CEP78: variants seen among roughly 807,000 people sequenced by gnomAD.
CEP78 encodes the protein centrosomal protein 78.
A neutral mutation model predicts 81.2 loss-of-function variants in CEP78; 76 were observed. The ratio of observed to expected loss-of-function variants is 0.94; its 90% CI spans 0.78 to 1.13. The LOEUF (loss-of-function observed/expected upper bound fraction) is 1.13, where lower values mean the gene tolerates loss of function less well. CEP78 is among the 50% of genes most tolerant of loss of function. The pLI is 0.00. For synonymous variants in CEP78, 293 were observed against 301.4 expected (o/e 0.97, Z 0.29); for missense variants, 918 against 846.8 (o/e 1.08, Z -1.04).
rs1465555116 is a variant in CEP78, at chr9:78,275,917, C to G, written c.*5066C>G. On this transcript the variant is annotated 3_prime_UTR_variant, in exon 17 of 17. Transcript: ENST00000643273. ...GCTGTGATCATGCCACCACTGCTCT[C>G]TAGCCTGGGCAAGAGTGAGACTCCG... 1 of 152,276 alleles carries G rather than the reference C, an allele frequency of 6.6e-6. No homozygotes were observed. Among genetic ancestry groups the G allele is most frequent in the African/African-American group, 2.4e-5 (1 of 41,422 alleles). 9.4% of individuals were successfully genotyped at this position (152,276 alleles called of 1,614,324 possible).
chr9:78,256,885 G>T (rs1365054668), intron 11 of CEP78, among the ~76,000 whole-genome samples: 1 of 152,138 alleles, frequency 6.6e-6, no homozygotes, highest in South Asian at 2.1e-4. Flanking sequence ...ATAGGGTGTT[G>T]TTTAAAAAGG....
Position 78,241,803 on chromosome 9 carries a change from A to C in CEP78, c.603+4A>C. 4 of 1,486,282 alleles carry C rather than the reference A, an allele frequency of 2.7e-6. No individual in the cohort carries two copies. Among genetic ancestry groups the C allele is most frequent in the South Asian group, 1.2e-5 (1 of 85,992 alleles). The allele number at this position is 1,486,282 out of a possible 1,614,324, so 92.1% of individuals were successfully genotyped here. A position where few individuals can be genotyped will look rare whatever the true frequency, so the allele number is the denominator to read the frequency against. ...TCACATGGCCAAGATCTTAAAGGTA[A>C]CTTTATGTTCCAACTTTCATGAAAA... is the stretch of plus-strand genomic sequence containing the variant. On this transcript the variant is annotated splice_donor_region_variant and intron_variant, in intron 4 of 16. Coordinates refer to ENST00000643273, the MANE Select transcript of CEP78 (RefSeq NM_001330691.3).
chr9:78,262,466 GTATT>G (rs1014319410), intron 11 of CEP78, among the ~76,000 whole-genome samples: 78 of 152,024 alleles, frequency 5.1e-4, no homozygotes, highest in African/African-American at 1.9e-3. Context: ...AATTCCTTTT[GTATT>G]TCAATCTTTA....
intron 6 of CEP78, among the ~76,000 whole-genome samples, chr9:78,247,887 T>G (rs1826571424): frequency 1.3e-5 from 2 of 152,170 alleles, no homozygotes; most frequent in South Asian, 4.1e-4. Context: ...TGGTACTGTT[T>G]ATAGAGAAAA....
chr9:78,244,865 T>C (rs1338618168), intron 5 of CEP78, among the ~76,000 whole-genome samples: 1 of 152,242 alleles, frequency 6.6e-6, no homozygotes, highest in African/African-American at 2.4e-5. Flanking sequence ...ATAATTTCCT[T>C]CTGGTAAATT....
intron 11 of CEP78, among the ~76,000 whole-genome samples, chr9:78,260,795 C>A (rs1353436625): frequency 6.6e-6 from 1 of 151,812 alleles, no homozygotes; most frequent in African/African-American, 2.4e-5. Context: ...GATATACAGT[C>A]TTCCCTCAGC....
chr9:78,242,558 T>C (rs1826285580), intron 4 of CEP78, among the ~76,000 whole-genome samples: 1 of 152,240 alleles, frequency 6.6e-6, no homozygotes, highest in African/African-American at 2.4e-5. Context: ...TAGGATTTAA[T>C]GAACTAATGT....
rs934475273 is a variant in CEP78, at chr9:78,266,936, T to C, written c.2107+233T>C. 6 of 1,423,954 alleles carry C rather than the reference T, an allele frequency of 4.2e-6. No individual in the cohort carries two copies. In the South Asian group the frequency reaches 9.5e-5, roughly 23 times the overall value. The allele number at this position is 1,423,954 out of a possible 1,614,324, so 88.2% of individuals were successfully genotyped here. ...GTAAATCCAGTCCACTAGAACATTC[T>C]GAAAGTGATACTCTTGGATGTGATT... On this transcript the variant is annotated intron_variant, in intron 16 of 16. Coordinates refer to ENST00000643273, the MANE Select transcript of CEP78 (RefSeq NM_001330691.3).
At position 78,253,281 on chromosome 9, in the gene CEP78, C is replaced by T. The variant is rs778885053; in HGVS notation, c.1251+4C>T. The T allele has an allele frequency of 6.2e-6, 8 of 1,291,006 alleles. No homozygotes were observed. In the Admixed American group the frequency reaches 1.1e-4, roughly 18 times the overall value. 80.0% of individuals were successfully genotyped at this position (1,291,006 alleles called of 1,614,324 possible). A position where few individuals can be genotyped will look rare whatever the true frequency, so the allele number is the denominator to read the frequency against. On this transcript the variant is annotated splice_donor_region_variant and intron_variant, in intron 10 of 16. Coordinates refer to ENST00000643273, the MANE Select transcript of CEP78 (RefSeq NM_001330691.3). Reference sequence around the variant, plus strand: ...TGATATATGTAATCAGTTGCAGGTACGTAGTTACCATGTTTATAATATGTA... The same window carrying T: ...TGATATATGTAATCAGTTGCAGGTATGTAGTTACCATGTTTATAATATGTA...
intron 4 of CEP78, among the ~76,000 whole-genome samples, chr9:78,242,504 C>T (rs1344448484): frequency 6.6e-6 from 1 of 152,106 alleles, no homozygotes; most frequent in Non-Finnish European, 1.5e-5. Flanking sequence ...TTTTCTTATC[C>T]ATAAAATGTG....
intron 16 of CEP78, among the ~76,000 whole-genome samples, chr9:78,267,557 A>C (rs970725968): frequency 1.3e-5 from 2 of 152,172 alleles, no homozygotes; most frequent in African/African-American, 4.8e-5. Context: ...GTCTAAGGAG[A>C]CAGATTATGT....
chr9:78,252,464 C>G (rs193058611), intron 9 of CEP78, among the ~76,000 whole-genome samples: 5 of 152,240 alleles, frequency 3.3e-5, no homozygotes, highest in Admixed American at 2.6e-4. Flanking sequence ...ACTCAGCCAA[C>G]TGGCCTAACT....
At chr9:78,264,057 A>T in intron 12 of CEP78, 93 bp from the exon 13 acceptor site, 1 of 914,750 alleles carries the variant, frequency 1.1e-6, no homozygotes, top group Non-Finnish European at 1.5e-6. Context: ...CAAATTAATT[A>T]CATTTTTAAA....
Position 78,246,751 on chromosome 9 carries a change from C to T in CEP78, c.861C>T (p.Val287=), listed in dbSNP as rs1327362616. The change falls in exon 6 of 17, where the codon GTC becomes GTT. Residue 287 remains valine (V), a synonymous_variant. Transcript: ENST00000643273. ...CCCTTGAAACCAATACAACTCTGGT[C>T]GTTCTGGATATAAGAAAAAATCCAC... The part of the protein sequence containing the change: ...LEALETNTTL[V]VLDIRKNPLI... The T allele has an allele frequency of 4.4e-6, 7 of 1,603,908 alleles. No homozygotes were observed. The highest frequency in any genetic ancestry group is 1.1e-5 in the South Asian group (1 of 89,198).
Position 78,276,333 on chromosome 9 carries a change from G to T in CEP78, c.*5482G>T, listed in dbSNP as rs1384518061. 1 of 152,236 alleles carries T rather than the reference G, an allele frequency of 6.6e-6. No homozygotes were observed. The highest frequency in any genetic ancestry group is 1.9e-4 in the East Asian group (1 of 5,180). The allele number at this position is 152,236 out of a possible 1,614,324, so 9.4% of individuals were successfully genotyped here. A position where few individuals can be genotyped will look rare whatever the true frequency, so the allele number is the denominator to read the frequency against. On this transcript the variant is annotated 3_prime_UTR_variant, in exon 17 of 17. Transcript: ENST00000643273. Reference sequence around the variant, plus strand: ...ATCCTCTGGTATTCTTAACAATCTCGAAATAGAAGGAAACTTCCTTAGCTT... The same window carrying T: ...ATCCTCTGGTATTCTTAACAATCTCTAAATAGAAGGAAACTTCCTTAGCTT...
rs144976652 is a variant in CEP78 at position 78,240,586 on chromosome 9, AC to A, written c.499+224del. Among the ~76,000 whole-genome samples, 599 of 152,300 alleles carry A rather than the reference AC, an allele frequency of 3.9e-3. 4 individuals are homozygous for A. Among genetic ancestry groups the A allele is most frequent in the African/African-American group, 0.014 (569 of 41,562 alleles). Reference sequence around the variant, plus strand: ...TAAACCACAGACCACACAAATATATACCATCTGGTATTCTCTGTTTTTTGTG... The same window carrying A: ...TAAACCACAGACCACACAAATATATACATCTGGTATTCTCTGTTTTTTGTG... On this transcript the variant is annotated intron_variant, in intron 3 of 16. Transcript: ENST00000643273.
chr9:78,256,524 ATTTTTTTTTTTTT>A lies in CEP78; in HGVS notation c.1380+1574_1380+1586del, dbSNP rs35059009. 6.5e-5 allele frequency among the ~76,000 whole-genome samples: 5 copies of A among 76,670 alleles called. No homozygotes were observed. In the East Asian group the frequency reaches 1.1e-3, roughly 16 times the overall value. 50.3% of individuals were successfully genotyped at this position (76,670 alleles called of 152,430 possible). A position where few individuals can be genotyped will look rare whatever the true frequency, so the allele number is the denominator to read the frequency against. ...GCTCCCAGTGATCCTCTGCTCCCTT[ATTTTTTTTTTTTT>A]TTTTTTTTTTTTTGAGATGGAGTCT... On this transcript the variant is annotated intron_variant, in intron 11 of 16. Coordinates refer to ENST00000643273, the MANE Select transcript of CEP78 (RefSeq NM_001330691.3).
At position 78,236,470 on chromosome 9, in the gene CEP78, G is replaced by A. The variant is rs746861398; in HGVS notation, c.120G>A (p.Glu40=). The change falls in exon 1 of 17, where the codon GAG becomes GAA. Residue 40 remains glutamate, a synonymous_variant. Transcript: ENST00000643273. ...CCGCCGTGCGCGCCTGTCTCCGGGA[G>A]GGCGTGCTGGATTTCAACGCCGACC... is the stretch of plus-strand genomic sequence containing the variant. ...PLPAVRACLR[E]GVLDFNADRL... The A allele has an allele frequency of 1.2e-6, 2 of 1,606,880 alleles. No individual in the cohort carries two copies. The highest frequency in any genetic ancestry group is 1.7e-6 in the Non-Finnish European group (2 of 1,176,864).
chr9:78,240,392 T>C, intron 3 of CEP78, 28 bp downstream of exon 3: 1 of 1,530,614 alleles, frequency 6.5e-7, no homozygotes, highest in Non-Finnish European at 8.9e-7. Flanking sequence ...TTAACTCTTG[T>C]CCTATCAGGC....
Sources: gnomAD v4.1 joint callset for allele counts (sites outside exome capture counted in the v4.1 genomes callset) on GRCh38, gnomAD v4.1.1 for gene constraint, MANE v1.5 for transcripts, NCBI Gene and HGNC (gene_info 2026-07-23, HGNC 2026-07-21) for gene names.